The following FBXO36 variants were observed in gnomAD, a reference collection of about 807,000 sequenced individuals.
FBXO36 encodes F-box protein 36, also known as F-box only protein 36.
In FBXO36, 18 loss-of-function variants were observed where a neutral mutation model predicts 17.0. The observed-to-expected ratio is 1.06, with a 90% CI of 0.73 to 1.57. FBXO36 has a LOEUF of 1.57. FBXO36 is among the 40% of genes most tolerant of loss of function. The probability of loss-of-function intolerance (pLI) is 0.00; values close to 1 mark genes in which losing one functional copy is unlikely to be tolerated. For missense variants in FBXO36, 229 were observed against 221.9 expected, an observed-to-expected ratio of 1.03 and a Z score of -0.20; for synonymous variants, 83 against 85.3, an observed-to-expected ratio of 0.97 and a Z score of 0.15.
chr2:229,933,960 A>G (rs2076951602), intron 1 of FBXO36, among the ~76,000 whole-genome samples: 1 of 151,824 alleles, frequency 6.6e-6, no homozygotes, highest in Non-Finnish European at 1.5e-5. Flanking sequence ...TGCTGGGATT[A>G]CAGGCGTGAG....
At chr2:229,986,188 C>A (rs2077266707) in intron 2 of FBXO36, among the ~76,000 whole-genome samples, 1 of 152,080 alleles carries the variant, frequency 6.6e-6, no homozygotes, top group Non-Finnish European at 1.5e-5. Context: ...TGCATACATA[C>A]AAGAATATGT....
chr2:229,999,148 A>T (rs2106212135), intron 3 of FBXO36, among the ~76,000 whole-genome samples: 1 of 121,402 alleles, frequency 8.2e-6, no homozygotes, highest in African/African-American at 3.1e-5. Context: ...TTTTTTTGAG[A>T]CAGAGTCTTT....
chr2:229,923,997 G>C (rs1226150774), intron 1 of FBXO36, among the ~76,000 whole-genome samples: 18 of 151,654 alleles, frequency 1.2e-4, no homozygotes, highest in Admixed American at 1.2e-3. Flanking sequence ...GCCTGCCTCG[G>C]CCTCCCAAAG....
chr2:229,937,715 C>T (rs1031742451), intron 1 of FBXO36: 1 of 152,090 alleles, frequency 6.6e-6, no homozygotes, highest in African/African-American at 2.4e-5. Context: ...CCTTTCCTGA[C>T]CTTCTTACCA....
chr2:229,922,684 G>T, intron 1 of FBXO36, 75 bp downstream of exon 1: 1 of 1,498,180 alleles, frequency 6.7e-7, no homozygotes, highest in Non-Finnish European at 9.2e-7. Context: ...CGCAGGCTGT[G>T]CTAGGCCAAG....
At chr2:229,939,697 T>G (rs1207751986) in intron 1 of FBXO36, among the ~76,000 whole-genome samples, 1 of 152,172 alleles carries the variant, frequency 6.6e-6, no homozygotes, top group Non-Finnish European at 1.5e-5. Flanking sequence ...CCCCTATTAC[T>G]TACTGTCTTC....
chr2:229,952,126 GTA>G (rs1473545462), intron 1 of FBXO36, among the ~76,000 whole-genome samples: 1 of 151,586 alleles, frequency 6.6e-6, no homozygotes, highest in African/African-American at 2.4e-5. Context: ...ATTTTAAATT[GTA>G]TGTTTGAAAA....
rs529122604 is a variant in FBXO36, at chr2:230,004,805, G to A, written c.379-5891G>A. Among the ~76,000 whole-genome samples the A allele has an allele frequency of 4.6e-5, 7 of 152,260 alleles. No individual in the cohort carries two copies. In the South Asian group the frequency reaches 1.4e-3, roughly 32 times the overall value. On this transcript the variant is annotated intron_variant, in intron 3 of 3. Coordinates refer to ENST00000283946, the MANE Select transcript of FBXO36 (RefSeq NM_174899.5). ...GTGGATCACTTGAGGTGAGGAGTTT[G>A]AGAACAGTCTGACCAACATGGTGAA...
At chr2:229,993,555 A>G (rs2077309279) in intron 2 of FBXO36, among the ~76,000 whole-genome samples, 1 of 152,230 alleles carries the variant, frequency 6.6e-6, no homozygotes, top group Non-Finnish European at 1.5e-5. Context: ...ACTGTCTGCC[A>G]CATAATCCAA....
chr2:230,011,227 C>T lies in FBXO36; in HGVS notation c.*343C>T, dbSNP rs2077413935. On this transcript the variant is annotated 3_prime_UTR_variant, in exon 4 of 4. Coordinates refer to ENST00000283946, the MANE Select transcript of FBXO36 (RefSeq NM_174899.5). Reference sequence around the variant, plus strand: ...TTATTAGCAGGTTTTTATTAGACATCTATTTTATCTAGGCATTAGAAAGGG... The same window carrying T: ...TTATTAGCAGGTTTTTATTAGACATTTATTTTATCTAGGCATTAGAAAGGG... The T allele has an allele frequency of 6.1e-6, 1 of 163,728 alleles. No homozygotes were observed. The highest frequency in any genetic ancestry group is 1.9e-4 in the South Asian group (1 of 5,302). 10.1% of individuals were successfully genotyped at this position (163,728 alleles called of 1,614,324 possible).
intron 1 of FBXO36, among the ~76,000 whole-genome samples, chr2:229,941,872 C>T (rs191204062): frequency 5.3e-5 from 8 of 151,896 alleles, no homozygotes; most frequent in Admixed American, 2.0e-4. Flanking sequence ...AAAAATTGGC[C>T]GGGTGTGGTG....
intron 1 of FBXO36, among the ~76,000 whole-genome samples, chr2:229,951,246 T>C (rs947229814): frequency 4.0e-5 from 6 of 150,930 alleles, no homozygotes; most frequent in East Asian, 3.9e-4. Context: ...GCAACTTTTT[T>C]TTCTTCTTTT....
chr2:229,955,240 T>A (rs1378408272), intron 1 of FBXO36, among the ~76,000 whole-genome samples: 6 of 152,064 alleles, frequency 3.9e-5, no homozygotes, highest in Non-Finnish European at 5.9e-5. Flanking sequence ...CATTTTTCAG[T>A]AACACACTAT....
At chr2:229,926,591 A>T (rs1199388457) in intron 1 of FBXO36, among the ~76,000 whole-genome samples, 1 of 151,472 alleles carries the variant, frequency 6.6e-6, no homozygotes, top group Non-Finnish European at 1.5e-5. Flanking sequence ...TAAAAATAAA[A>T]AAATTAGCTG....
chr2:230,007,942 T>C (rs2077395484), intron 3 of FBXO36, among the ~76,000 whole-genome samples: 1 of 152,176 alleles, frequency 6.6e-6, no homozygotes, highest in Non-Finnish European at 1.5e-5. Context: ...TCGGTCTGGC[T>C]GGTCTCAAAC....
chr2:229,976,549 G>A (rs1577350977), intron 2 of FBXO36, 200 bp downstream of exon 2: 15 of 452,354 alleles, frequency 3.3e-5, no homozygotes, highest in East Asian at 1.7e-4. Flanking sequence ...GGCCGGGCGC[G>A]GTCGCTCATG....
chr2:229,986,675 C>T (rs1426959141), intron 2 of FBXO36, among the ~76,000 whole-genome samples: 2 of 151,390 alleles, frequency 1.3e-5, no homozygotes, highest in Admixed American at 6.6e-5. Context: ...GCTGGGACTA[C>T]AGGCACCCAC....
intron 1 of FBXO36, among the ~76,000 whole-genome samples, chr2:229,925,657 G>T (rs532036300): frequency 4.0e-5 from 6 of 151,366 alleles, no homozygotes; most frequent in Non-Finnish European, 7.4e-5. Context: ...CATCTTTTTC[G>T]TTGGCCTTAA....
intron 2 of FBXO36, among the ~76,000 whole-genome samples, chr2:229,987,767 A>C (rs764196583): frequency 6.6e-6 from 1 of 152,044 alleles, no homozygotes; most frequent in Non-Finnish European, 1.5e-5. Flanking sequence ...AGTAGCTGGG[A>C]CTACAAGTGT....
Sources: gnomAD v4.1 joint callset for allele counts (sites outside exome capture counted in the v4.1 genomes callset) on GRCh38, gnomAD v4.1.1 for gene constraint, MANE v1.5 for transcripts, NCBI Gene and HGNC (gene_info 2026-07-23, HGNC 2026-07-21) for gene names.